Variants in PRKN observed in about 807,000 individuals in gnomAD.
The protein encoded by PRKN is E3 ubiquitin-protein ligase parkin.
PRKN carries 56 observed loss-of-function variants against 59.5 expected under a neutral mutation model. That is an observed-to-expected ratio of 0.94 (90% confidence interval 0.76 to 1.18). PRKN has a LOEUF of 1.18. Among genes scored for constraint, PRKN ranks in the 50% most tolerant of loss-of-function variants. The pLI is 0.00. For missense variants in PRKN, 657 were observed against 596.4 expected, an observed-to-expected ratio of 1.10 and a Z score of -1.06; for synonymous variants, 250 against 222.1, an observed-to-expected ratio of 1.13 and a Z score of -1.12.
At chr6:162,033,463 T>C (rs536959931) in intron 5 of PRKN, among the ~76,000 whole-genome samples, 1 of 152,338 alleles carries the variant, frequency 6.6e-6, no homozygotes, top group Admixed American at 6.5e-5. Context: ...TATATATATG[T>C]GCCTTAGTTA....
At chr6:162,342,246 T>G (rs1784211871) in intron 2 of PRKN, among the ~76,000 whole-genome samples, 1 of 152,154 alleles carries the variant, frequency 6.6e-6, no homozygotes, top group East Asian at 1.9e-4. Flanking sequence ...TAAGCACATC[T>G]GATTATGGCC....
At position 162,313,667 on chromosome 6, in the gene PRKN, T is replaced by C. The variant is rs572779253; in HGVS notation, c.172-50902A>G. Among the ~76,000 whole-genome samples, 288 of 152,104 alleles carry C rather than the reference T, an allele frequency of 1.9e-3. 1 individual carries two copies. The highest frequency in any genetic ancestry group is 6.6e-3 in the African/African-American group (275 of 41,498). ...CATGCCCGGCTAATTTTTGTATTTTTAGTAGAGATGGGTTTCATCATGTTG... is the reference window on the plus strand; with the variant it reads ...CATGCCCGGCTAATTTTTGTATTTTCAGTAGAGATGGGTTTCATCATGTTG... On this transcript the variant is annotated intron_variant, in intron 2 of 11. Coordinates refer to ENST00000366898, the MANE Select transcript of PRKN (RefSeq NM_004562.3).
chr6:162,635,936 C>A (rs1777694305), intron 1 of PRKN, among the ~76,000 whole-genome samples: 1 of 152,048 alleles, frequency 6.6e-6, no homozygotes, highest in African/African-American at 2.4e-5. Context: ...CAAATGAAAA[C>A]CATTATGGCA....
intron 7 of PRKN, among the ~76,000 whole-genome samples, chr6:161,671,989 T>C (rs9355357): frequency 0.49 from 74,688 of 152,000 alleles, 18,758 homozygotes; most frequent in East Asian, 0.63. Context: ...ATGAACTCGA[T>C]AGAGTTCACT....
Position 161,562,880 on chromosome 6 carries a change from C to T in PRKN, c.933+6475G>A, listed in dbSNP as rs1780509382. On this transcript the variant is annotated intron_variant, in intron 8 of 11. Coordinates refer to ENST00000366898, the MANE Select transcript of PRKN (RefSeq NM_004562.3). This position sits in a 1 kb window ranked among gnomAD's most constrained non-coding sequence, Gnocchi z 4.3. ...AAATGTAATTTGGATAATGCTAACC[C>T]CTTGCTTAAACCTTCAAGGATTTCC... 6.6e-6 allele frequency among the ~76,000 whole-genome samples: 1 copy of T among 152,154 alleles called. No individual in the cohort carries two copies. Among genetic ancestry groups the T allele is most frequent in the Non-Finnish European group, 1.5e-5 (1 of 68,012 alleles).
At chr6:162,156,769 C>T (rs2849606) in intron 4 of PRKN, among the ~76,000 whole-genome samples, 149,067 of 152,180 alleles carry the variant, frequency 0.98, 73,078 homozygotes, top group Non-Finnish European at 1. Context: ...CCAGTTAAGT[C>T]GACACTCAAT....
chr6:161,646,148 A>G (rs111258854), intron 7 of PRKN, among the ~76,000 whole-genome samples: 1 of 60,126 alleles, frequency 1.7e-5, no homozygotes, highest in East Asian at 3.9e-4. Flanking sequence ...TGCGTGGCGG[A>G]GGAGGCGGCG....
intron 6 of PRKN, among the ~76,000 whole-genome samples, chr6:161,863,512 A>G (rs1056778187): frequency 4.6e-5 from 7 of 152,074 alleles, no homozygotes; most frequent in African/African-American, 1.7e-4. Flanking sequence ...TACTCTTAAG[A>G]AAAGTGAGTT....
intron 9 of PRKN, among the ~76,000 whole-genome samples, chr6:161,418,305 C>T (rs1583042396): frequency 6.6e-6 from 1 of 152,144 alleles, no homozygotes; most frequent in East Asian, 1.9e-4. Context: ...ACTTGAACTG[C>T]CTTACTTGGA....
At chr6:161,523,903 T>C (rs1296926847) in intron 9 of PRKN, among the ~76,000 whole-genome samples, 1 of 152,156 alleles carries the variant, frequency 6.6e-6, no homozygotes, top group Non-Finnish European at 1.5e-5. Context: ...ATAGCACCTG[T>C]GACCAGAGGA....
At chr6:162,049,519 T>C (rs148990864) in intron 5 of PRKN, among the ~76,000 whole-genome samples, 35 of 152,254 alleles carry the variant, frequency 2.3e-4, no homozygotes, top group African/African-American at 8.2e-4. Context: ...AGTTGGTGTT[T>C]ATTAAATACA....
chr6:162,402,066 A>G (rs9347632), intron 2 of PRKN, among the ~76,000 whole-genome samples: 15,681 of 152,002 alleles, frequency 0.1, 1,005 homozygotes, highest in African/African-American at 0.18. Flanking sequence ...CCTGGCCGAC[A>G]TGGCAAAACC....
intron 1 of PRKN, among the ~76,000 whole-genome samples, chr6:162,538,734 G>T (rs1468421479): frequency 6.6e-6 from 1 of 152,186 alleles, no homozygotes; most frequent in East Asian, 1.9e-4. Context: ...GGTGAGAAAA[G>T]ATTTCAAAAA....
At chr6:161,520,122 G>T (rs1341412497) in intron 9 of PRKN, among the ~76,000 whole-genome samples, 1 of 151,986 alleles carries the variant, frequency 6.6e-6, no homozygotes, top group East Asian at 1.9e-4. Context: ...GGAAGGCCAT[G>T]CTTATGAGTC....
intron 2 of PRKN, among the ~76,000 whole-genome samples, chr6:162,378,210 G>A (rs1431934648): frequency 6.6e-6 from 1 of 152,254 alleles, no homozygotes; most frequent in East Asian, 1.9e-4. Flanking sequence ...AAATTTAAAG[G>A]GAAACAAGGC....
At chr6:161,416,937 G>A (rs1044313089) in intron 9 of PRKN, among the ~76,000 whole-genome samples, 1 of 152,116 alleles carries the variant, frequency 6.6e-6, no homozygotes, top group Non-Finnish European at 1.5e-5. Context: ...CACGTCTATT[G>A]GGGAAGCAGC....
chr6:162,544,143 CTT>C (rs1347826230), intron 1 of PRKN, among the ~76,000 whole-genome samples: 1 of 152,088 alleles, frequency 6.6e-6, no homozygotes, highest in Non-Finnish European at 1.5e-5. Context: ...CCAAGGAAAA[CTT>C]TTGTTGCATG....
chr6:161,982,464 A>C (rs978342116), intron 5 of PRKN, among the ~76,000 whole-genome samples: 9 of 75,424 alleles, frequency 1.2e-4, no homozygotes, highest in Non-Finnish European at 2.0e-4. Flanking sequence ...CTAAGCCAAA[A>C]GAACAAAGCT....
chr6:161,805,570 T>C (rs1348355999), intron 6 of PRKN, among the ~76,000 whole-genome samples: 1 of 152,138 alleles, frequency 6.6e-6, no homozygotes, highest in Admixed American at 6.5e-5. Context: ...TTCCTGTTGC[T>C]CTAGTGAGTC....
Sources: allele counts gnomAD v4.1 joint callset (sites outside exome capture counted in the v4.1 genomes callset), GRCh38; gene constraint gnomAD v4.1.1; non-coding constraint Gnocchi (gnomAD v3.1); transcripts MANE v1.5; gene names NCBI Gene and HGNC (gene_info 2026-07-23, HGNC 2026-07-21).